Variants in PRKAG2 observed in about 807,000 individuals in gnomAD.
PRKAG2 encodes the protein protein kinase AMP-activated non-catalytic subunit gamma 2.
Under a neutral mutation model 69.6 loss-of-function variants are expected in PRKAG2, and 26 were observed. The ratio of observed to expected loss-of-function variants is 0.37; its 90% CI spans 0.27 to 0.52. The LOEUF (loss-of-function observed/expected upper bound fraction) is 0.52, where lower values mean the gene tolerates loss of function less well. Ranked by LOEUF, PRKAG2 falls within the 20% of genes least tolerant of loss-of-function variation. The pLI, the probability that PRKAG2 is intolerant of heterozygous loss-of-function variation, is 0.90. For missense variants in PRKAG2, 557 were observed against 740.0 expected, an observed-to-expected ratio of 0.75 and a Z score of 2.87; for synonymous variants, 293 against 285.0, an observed-to-expected ratio of 1.03 and a Z score of -0.28.
intron 1 of PRKAG2, among the ~76,000 whole-genome samples, chr7:151,868,995 C>T (rs2080148603): frequency 6.6e-6 from 1 of 152,148 alleles, no homozygotes; most frequent in Non-Finnish European, 1.5e-5. Context: ...AAAGTGCTTC[C>T]AAATGATTTC....
chr7:151,786,375 G>A, intron 2 of PRKAG2, 95 bp downstream of exon 2: 4 of 1,233,276 alleles, frequency 3.2e-6, no homozygotes, highest in Admixed American at 2.0e-5. Context: ...GGGTGGGCGT[G>A]AGGGTGAACA....
intron 4 of PRKAG2, among the ~76,000 whole-genome samples, chr7:151,658,498 A>T (rs1245955233): frequency 2.6e-5 from 4 of 151,900 alleles, no homozygotes; most frequent in African/African-American, 7.3e-5. Context: ...AAAAAAAAAA[A>T]AAAGTATTTC....
At chr7:151,714,421 G>A (rs373370266) in intron 3 of PRKAG2, among the ~76,000 whole-genome samples, 3 of 143,508 alleles carry the variant, frequency 2.1e-5, no homozygotes, top group Non-Finnish European at 3.0e-5. Flanking sequence ...AGGGCTTCCC[G>A]GAGAGCCGTC....
At chr7:151,655,208 C>T (rs1033412194) in intron 4 of PRKAG2, among the ~76,000 whole-genome samples, 4 of 152,124 alleles carry the variant, frequency 2.6e-5, no homozygotes, top group East Asian at 1.9e-4. Context: ...TGAAAGGGTA[C>T]GCCATCTCTG....
chr7:151,746,800 C>T (rs2074309792), intron 3 of PRKAG2, among the ~76,000 whole-genome samples: 1 of 152,202 alleles, frequency 6.6e-6, no homozygotes, highest in East Asian at 1.9e-4. Flanking sequence ...CTGGCCTGGC[C>T]AGGCAGCGCT....
intron 1 of PRKAG2, among the ~76,000 whole-genome samples, chr7:151,865,061 G>A (rs1443797992): frequency 1.3e-5 from 2 of 152,158 alleles, no homozygotes; most frequent in Non-Finnish European, 2.9e-5. Context: ...TAAGTGACTG[G>A]TTCCGCTCAA....
chr7:151,742,636 A>T lies in PRKAG2; in HGVS notation c.466+38516T>A, dbSNP rs6945474. On this transcript the variant is annotated intron_variant, in intron 3 of 15. Transcript: ENST00000287878. ...AAGATTACATCTCACAAAAAAAAAA[A>T]AAATAAAATAAAATAAAAAGTCCTT... Among the ~76,000 whole-genome samples, 999 of 150,866 alleles carry T rather than the reference A, an allele frequency of 6.6e-3. 3 individuals are homozygous for T. The highest frequency in any genetic ancestry group is 0.023 in the African/African-American group (951 of 40,548).
intron 4 of PRKAG2, among the ~76,000 whole-genome samples, chr7:151,650,077 C>T (rs978174428): frequency 1.3e-5 from 2 of 151,944 alleles, no homozygotes; most frequent in Non-Finnish European, 2.9e-5. Flanking sequence ...GAAAATTAGC[C>T]GGACACGGTG....
intron 1 of PRKAG2, among the ~76,000 whole-genome samples, chr7:151,866,576 C>G (rs892288844): frequency 6.6e-6 from 1 of 152,166 alleles, no homozygotes. Flanking sequence ...TCATCAGCAC[C>G]ATGAATGCAA....
At chr7:151,859,010 G>A (rs934208163) in intron 1 of PRKAG2, among the ~76,000 whole-genome samples, 2 of 152,162 alleles carry the variant, frequency 1.3e-5, no homozygotes, top group Admixed American at 1.3e-4. Flanking sequence ...TGACTCAAGG[G>A]GAGTTTTCAG....
intron 15 of PRKAG2, chr7:151,559,229 G>A (rs1208540056): frequency 1.0e-6 from 1 of 970,102 alleles, no homozygotes; most frequent in East Asian, 1.1e-4. Flanking sequence ...CAGCTGTACT[G>A]TTCGTTTTCA....
intron 4 of PRKAG2, among the ~76,000 whole-genome samples, chr7:151,660,838 A>G (rs191859803): frequency 3.2e-4 from 48 of 152,298 alleles, no homozygotes; most frequent in African/African-American, 1.1e-3. Context: ...AGGAAGTTTT[A>G]ATTTTCTTTT....
intron 4 of PRKAG2, among the ~76,000 whole-genome samples, chr7:151,669,930 G>GCATGCACATACCTGCA (rs758769445): frequency 2.0e-3 from 176 of 86,844 alleles, no homozygotes; most frequent in Non-Finnish European, 2.3e-3. Context: ...ACACACACCT[G>GCATGCACATACCTGCA]TGCACACACT....
At chr7:151,856,783 C>T (rs1011125632) in intron 1 of PRKAG2, among the ~76,000 whole-genome samples, 1 of 152,126 alleles carries the variant, frequency 6.6e-6, no homozygotes, top group South Asian at 2.1e-4. Flanking sequence ...GCCACGTGGC[C>T]GCCACAGGGA....
intron 1 of PRKAG2, among the ~76,000 whole-genome samples, chr7:151,866,122 A>AAGGG (rs1364364110): frequency 6.6e-6 from 1 of 152,180 alleles, no homozygotes; most frequent in African/African-American, 2.4e-5. Context: ...TTCATCTAGA[A>AAGGG]AGGGGCCAAG....
At chr7:151,859,374 G>A (rs1218772688) in intron 1 of PRKAG2, among the ~76,000 whole-genome samples, 1 of 152,208 alleles carries the variant, frequency 6.6e-6, no homozygotes, top group East Asian at 1.9e-4. Context: ...GGTGGAGAGG[G>A]TGGGATGCGA....
At position 151,807,026 on chromosome 7, in the gene PRKAG2, G is replaced by T. The variant is rs1363494676; in HGVS notation, c.115-20485C>A. ...GGGTTCAGAATTGCGCTGGACATGGGATACACAAAGGTAAGACATGGACCC... is the reference window on the plus strand; with the variant it reads ...GGGTTCAGAATTGCGCTGGACATGGTATACACAAAGGTAAGACATGGACCC... On this transcript the variant is annotated intron_variant, in intron 1 of 15. Transcript: ENST00000287878. The surrounding 1 kb of genome is among the most constrained non-coding windows in gnomAD (Gnocchi z 4.4). 6 of 454,558 alleles carry T rather than the reference G, an allele frequency of 1.3e-5. 1 individual carries two copies. The highest frequency in any genetic ancestry group is 9.4e-5 in the South Asian group (6 of 63,810). The allele number at this position is 454,558 out of a possible 1,614,324, so 28.2% of individuals were successfully genotyped here. A position where few individuals can be genotyped will look rare whatever the true frequency, so the allele number is the denominator to read the frequency against.
At chr7:151,720,498 AATAG>A (rs559364517) in intron 3 of PRKAG2, among the ~76,000 whole-genome samples, 341 of 151,616 alleles carry the variant, frequency 2.2e-3, no homozygotes, top group African/African-American at 7.4e-3. Context: ...ATTTTCTTAA[AATAG>A]ATAGAACAGA....
At chr7:151,633,515 AAAAG>A (rs910348881) in intron 4 of PRKAG2, among the ~76,000 whole-genome samples, 4 of 152,006 alleles carry the variant, frequency 2.6e-5, no homozygotes, top group Non-Finnish European at 4.4e-5. Context: ...AAGAATCTAC[AAAAG>A]AAAGAAAAAA....
Sources: allele counts gnomAD v4.1 joint callset (sites outside exome capture counted in the v4.1 genomes callset), GRCh38; gene constraint gnomAD v4.1.1; non-coding constraint Gnocchi (gnomAD v3.1); transcripts MANE v1.5; gene names NCBI Gene and HGNC (gene_info 2026-07-23, HGNC 2026-07-21).